Variants in TACR3 observed in about 807,000 individuals in gnomAD.
TACR3 encodes neuromedin-K receptor.
A neutral mutation model predicts 35.0 loss-of-function variants in TACR3; 34 were observed. The observed-to-expected ratio is 0.97, with a 90% CI of 0.74 to 1.30. The LOEUF (loss-of-function observed/expected upper bound fraction) is 1.30. Ranked by LOEUF, TACR3 falls within the 50% of genes most tolerant of loss-of-function variation. The pLI is 0.00. For synonymous variants in TACR3, 233 were observed against 221.1 expected, an observed-to-expected ratio of 1.05 and a Z score of -0.48; for missense variants, 558 against 591.7, an observed-to-expected ratio of 0.94 and a Z score of 0.59.
intron 1 of TACR3, among the ~76,000 whole-genome samples, chr4:103,678,684 A>G (rs1726224723): frequency 6.6e-6 from 1 of 152,062 alleles, no homozygotes; most frequent in Admixed American, 6.6e-5. Flanking sequence ...AGCAGTGGGT[A>G]CTACGCAGAA....
chr4:103,623,767 C>T (rs1724833565), intron 3 of TACR3, among the ~76,000 whole-genome samples: 1 of 152,110 alleles, frequency 6.6e-6, no homozygotes, highest in Non-Finnish European at 1.5e-5. Flanking sequence ...TCAGAGGTCT[C>T]TATGCATAGT....
At chr4:103,712,792 G>A (rs1264021029) in intron 1 of TACR3, among the ~76,000 whole-genome samples, 5 of 152,014 alleles carry the variant, frequency 3.3e-5, no homozygotes, top group Non-Finnish European at 5.9e-5. Flanking sequence ...AAAACAAACA[G>A]CCCCATCAAA....
intron 1 of TACR3, among the ~76,000 whole-genome samples, chr4:103,688,616 G>A (rs1471824148): frequency 6.7e-6 from 1 of 150,268 alleles, no homozygotes; most frequent in Non-Finnish European, 1.5e-5. Context: ...CTCAAAAGAA[G>A]ACATTTATGC....
At chr4:103,613,000 T>C (rs1017122794) in intron 3 of TACR3, among the ~76,000 whole-genome samples, 5 of 152,208 alleles carry the variant, frequency 3.3e-5, no homozygotes, top group Admixed American at 6.5e-5. Flanking sequence ...TTAAACATCA[T>C]ATGGGCTTCT....
intron 1 of TACR3, among the ~76,000 whole-genome samples, chr4:103,660,561 A>G (rs1215320844): frequency 6.6e-6 from 1 of 151,950 alleles, no homozygotes; most frequent in Admixed American, 6.6e-5. Context: ...AAATACACAC[A>G]CATAAGAACA....
intron 1 of TACR3, among the ~76,000 whole-genome samples, chr4:103,683,161 G>T (rs981970588): frequency 2.6e-4 from 40 of 152,104 alleles, no homozygotes; most frequent in Admixed American, 1.2e-3. Flanking sequence ...TGAACAGAAT[G>T]AAAATGTAAA....
At chr4:103,652,519 G>A (rs1297976744) in intron 3 of TACR3, among the ~76,000 whole-genome samples, 1 of 152,092 alleles carries the variant, frequency 6.6e-6, no homozygotes, top group Non-Finnish European at 1.5e-5. Flanking sequence ...TCAGCTATAT[G>A]AAGTTAAAAT....
At chr4:103,624,126 T>C (rs1724841719) in intron 3 of TACR3, among the ~76,000 whole-genome samples, 1 of 152,204 alleles carries the variant, frequency 6.6e-6, no homozygotes, top group Non-Finnish European at 1.5e-5. Context: ...TTCTAATTAA[T>C]ATTTGAGTTC....
At chr4:103,631,910 A>G (rs553777573) in intron 3 of TACR3, among the ~76,000 whole-genome samples, 202 of 152,268 alleles carry the variant, frequency 1.3e-3, no homozygotes, top group Middle Eastern at 6.8e-3. Context: ...ACCAAGTATC[A>G]TTTCAATTCA....
At chr4:103,643,291 A>C (rs1391796192) in intron 3 of TACR3, among the ~76,000 whole-genome samples, 1 of 151,890 alleles carries the variant, frequency 6.6e-6, no homozygotes, top group Non-Finnish European at 1.5e-5. Flanking sequence ...GATATGGAAC[A>C]TTTCTATCAT....
At chr4:103,668,713 G>T (rs960075494) in intron 1 of TACR3, among the ~76,000 whole-genome samples, 2 of 151,834 alleles carry the variant, frequency 1.3e-5, no homozygotes, top group Non-Finnish European at 2.9e-5. Context: ...GCCAGTCATG[G>T]TGACATGCAC....
intron 3 of TACR3, among the ~76,000 whole-genome samples, chr4:103,651,960 C>T (rs1167630616): frequency 6.6e-6 from 1 of 152,056 alleles, no homozygotes; most frequent in Non-Finnish European, 1.5e-5. Flanking sequence ...AGCTAGTATC[C>T]AAGATGCAAA....
At chr4:103,671,341 C>T (rs1420046003) in intron 1 of TACR3, among the ~76,000 whole-genome samples, 1 of 151,816 alleles carries the variant, frequency 6.6e-6, no homozygotes, top group Non-Finnish European at 1.5e-5. Flanking sequence ...CTAATATTTT[C>T]AGAATAGTAT....
intron 1 of TACR3, among the ~76,000 whole-genome samples, chr4:103,706,665 G>T (rs1250179939): frequency 6.6e-6 from 1 of 152,086 alleles, no homozygotes; most frequent in African/African-American, 2.4e-5. Flanking sequence ...TCATAGGTTG[G>T]TGATATTTAG....
intron 1 of TACR3, among the ~76,000 whole-genome samples, chr4:103,690,818 GTTGA>G (rs900477401): frequency 2.6e-5 from 4 of 151,690 alleles, no homozygotes; most frequent in African/African-American, 9.7e-5. Context: ...TAATGCATTT[GTTGA>G]TTAACTATAT....
intron 1 of TACR3, among the ~76,000 whole-genome samples, chr4:103,674,760 C>T (rs1298411750): frequency 6.6e-6 from 1 of 152,136 alleles, no homozygotes; most frequent in Admixed American, 6.5e-5. Context: ...CCATGTTGGC[C>T]AGAATGGTCT....
chr4:103,719,055 T>C, intron 1 of TACR3, 73 bp downstream of exon 1: 1 of 1,592,738 alleles, frequency 6.3e-7, no homozygotes, highest in South Asian at 1.1e-5. Context: ...CTATTTCCTT[T>C]GTAATCTTAT....
chr4:103,643,234 T>G (rs906221359), intron 3 of TACR3, among the ~76,000 whole-genome samples: 1 of 151,842 alleles, frequency 6.6e-6, no homozygotes, highest in Non-Finnish European at 1.5e-5. Flanking sequence ...ATACTTCAAG[T>G]GTTAAATAGC....
chr4:103,679,181 T>C (rs1726236142), intron 1 of TACR3, among the ~76,000 whole-genome samples: 1 of 152,072 alleles, frequency 6.6e-6, no homozygotes. Context: ...CTGGAGGCCC[T>C]AACTATGCCC....
Sources: gnomAD v4.1 joint callset for allele counts (sites outside exome capture counted in the v4.1 genomes callset) on GRCh38, gnomAD v4.1.1 for gene constraint, MANE v1.5 for transcripts, NCBI Gene and HGNC (gene_info 2026-07-23, HGNC 2026-07-21) for gene names.